TMED2: variants seen among roughly 807,000 people sequenced by gnomAD.
TMED2 encodes the protein transmembrane p24 trafficking protein 2.
A neutral mutation model predicts 17.5 loss-of-function variants in TMED2; 3 were observed. That is an observed-to-expected ratio of 0.17 (90% confidence interval 0.08 to 0.44). TMED2 has a LOEUF of 0.44. Among genes scored for constraint, TMED2 ranks in the 20% least tolerant of loss-of-function variants. The probability of loss-of-function intolerance (pLI) is 0.99; values close to 1 mark genes in which losing one functional copy is unlikely to be tolerated. For synonymous variants in TMED2, 95 were observed against 91.0 expected (o/e 1.04, Z -0.25); for missense variants, 149 against 254.8 (o/e 0.58, Z 2.83).
At position 123,586,761 on chromosome 12, in the gene TMED2, T is replaced by A. The variant is rs1953349213; in HGVS notation, c.195T>A (p.Asp65Glu). Reference protein sequence around the residue: ...LDIDVEITGPDNKGIYKGDRE... With the variant: ...LDIDVEITGPENKGIYKGDRE... ...CTTGCCTCCAGATTACAGGACCAGATAACAAAGGAATTTACAAAGGAGACA... is the reference window on the plus strand; with the variant it reads ...CTTGCCTCCAGATTACAGGACCAGAAAACAAAGGAATTTACAAAGGAGACA... The change falls in exon 2 of 4, where the codon GAT (aspartate) becomes GAA (glutamate). Residue 65 changes from aspartate (D) to glutamate (E), a missense_variant. Asp to Glu is a conservative substitution (Grantham distance 45). Coordinates refer to ENST00000262225, the MANE Select transcript of TMED2 (RefSeq NM_006815.4). 1 of 1,602,138 alleles carries A rather than the reference T, an allele frequency of 6.2e-7. No individual in the cohort carries two copies. Among genetic ancestry groups the A allele is most frequent in the South Asian group, 1.1e-5 (1 of 89,280 alleles).
intron 1 of TMED2, chr12:123,586,260 A>G (rs1886343665): frequency 6.6e-6 from 1 of 152,236 alleles, no homozygotes; most frequent in Non-Finnish European, 1.5e-5. Context: ...GTCAACTCTT[A>G]TTTTATAAAG....
chr12:123,590,600 C>G, intron 3 of TMED2, 151 bp downstream of exon 3: 1 of 522,536 alleles, frequency 1.9e-6, no homozygotes, highest in Admixed American at 3.5e-5. Context: ...ATTTTTTGAG[C>G]ATACACATGT....
intron 2 of TMED2, 22 bp from the exon 3 acceptor site, chr12:123,590,315 GTGTTT>G: frequency 7.0e-7 from 1 of 1,426,078 alleles, no homozygotes; most frequent in Non-Finnish European, 9.6e-7. Flanking sequence ...ATTGACAAAT[GTGTTT>G]TGTTTTCAAA....
At chr12:123,590,537 CTT>C (rs745686981) in intron 3 of TMED2, 88 bp downstream of exon 3, 59 of 1,136,374 alleles carry the variant, frequency 5.2e-5, no homozygotes, top group Middle Eastern at 2.1e-4. Flanking sequence ...CATTTGGAAA[CTT>C]TGCAAATTTT....
In TMED2 at chr12:123,584,752, C is replaced by T. The variant is rs762244577; in HGVS notation, c.116C>T (p.Ser39Leu). Residue 39 changes from serine (S) to leucine (L), a missense_variant, in exon 1 of 4, where the codon TCG becomes TTG. Coordinates refer to ENST00000262225, the MANE Select transcript of TMED2 (RefSeq NM_006815.4). Reference sequence around the variant, plus strand: ...GAGTGCTTCTTTGAGCGGGTCACCTCGGGCACCAAGATGGGCCTCATCTTC... The same window carrying T: ...GAGTGCTTCTTTGAGCGGGTCACCTTGGGCACCAAGATGGGCCTCATCTTC... ...AEECFFERVT[S>L]GTKMGLIFEV... 1.2e-6 allele frequency: 2 copies of T among 1,613,562 alleles called. No homozygotes were observed. The highest frequency in any genetic ancestry group is 2.2e-5 in the South Asian group (2 of 91,088).
At chr12:123,593,402 G>A (rs889618906) in intron 3 of TMED2, among the ~76,000 whole-genome samples, 2 of 152,090 alleles carry the variant, frequency 1.3e-5, no homozygotes, top group African/African-American at 2.4e-5. Flanking sequence ...ACAGGCGCAC[G>A]CCACCACCAA....
intron 3 of TMED2, among the ~76,000 whole-genome samples, chr12:123,594,137 A>T (rs1358082428): frequency 7.0e-6 from 1 of 142,938 alleles, no homozygotes; most frequent in Non-Finnish European, 1.5e-5. Context: ...ACTACATAGA[A>T]TTTTTTTTTT....
chr12:123,587,527 T>C (rs2135659705), intron 2 of TMED2: 1 of 1,072,678 alleles, frequency 9.3e-7, no homozygotes, highest in Non-Finnish European at 1.2e-6. Flanking sequence ...GCATATACTT[T>C]ATTTGCTCAT....
chr12:123,590,507 C>G (rs1953383683), intron 3 of TMED2, 58 bp downstream of exon 3: 2 of 1,384,998 alleles, frequency 1.4e-6, no homozygotes, highest in Non-Finnish European at 2.0e-6. Context: ...TTTTACTCAA[C>G]AGCTTGCTCG....
In TMED2 at chr12:123,596,687, C is replaced by T; in HGVS notation, c.564C>T (p.Ile188=). Residue 188 remains isoleucine, a synonymous_variant, in exon 4 of 4, where the codon ATC becomes ATT. Coordinates refer to ENST00000262225, the MANE Select transcript of TMED2 (RefSeq NM_006815.4). ...TAGTTGCCATGACATTGGGACAGAT[C>T]TACTACCTGAAGAGATTTTTTGAAG... is the stretch of plus-strand genomic sequence containing the variant. ...LVLVAMTLGQ[I]YYLKRFFEVR... is the part of the protein sequence containing the mutation. 1.9e-6 allele frequency: 3 copies of T among 1,610,948 alleles called. No individual in the cohort carries two copies. Among genetic ancestry groups the T allele is most frequent in the Non-Finnish European group, 2.5e-6 (3 of 1,178,836 alleles).
intron 3 of TMED2, among the ~76,000 whole-genome samples, chr12:123,591,723 A>T (rs1479357220): frequency 6.6e-6 from 1 of 151,922 alleles, no homozygotes; most frequent in East Asian, 1.9e-4. Context: ...CGGAGGTTGC[A>T]GTGAGCTGAT....
At chr12:123,594,294 C>CTGGGTAAT (rs1328195775) in intron 3 of TMED2, among the ~76,000 whole-genome samples, 1 of 151,920 alleles carries the variant, frequency 6.6e-6, no homozygotes, top group Admixed American at 6.6e-5. Flanking sequence ...GCCACCACGC[C>CTGGGTAAT]TGGGTAATTT....
rs1227953761 is a variant in TMED2 at position 123,598,069 on chromosome 12, A to C, written c.*1340A>C. On this transcript the variant is annotated 3_prime_UTR_variant, in exon 4 of 4. Coordinates refer to ENST00000262225, the MANE Select transcript of TMED2 (RefSeq NM_006815.4). The stretch of plus-strand genomic sequence containing the variant: ...GTGAAACACTTCAAAACTGATTTAA[A>C]AGATGTAAATTTAAAATTGGTTGTA... The C allele has an allele frequency of 6.6e-6, 1 of 152,528 alleles. No individual in the cohort carries two copies. Among genetic ancestry groups the C allele is most frequent in the Non-Finnish European group, 1.5e-5 (1 of 68,024 alleles). The allele number at this position is 152,528 out of a possible 1,614,324, so 9.4% of individuals were successfully genotyped here. A position where few individuals can be genotyped will look rare whatever the true frequency, so the allele number is the denominator to read the frequency against.
At chr12:123,591,258 A>C (rs1204324765) in intron 3 of TMED2, among the ~76,000 whole-genome samples, 1 of 152,196 alleles carries the variant, frequency 6.6e-6, no homozygotes. Flanking sequence ...TTGGGTCCTC[A>C]AGTTTGTAAG....
Position 123,584,671 on chromosome 12 carries a change from C to T in TMED2, c.35C>T (p.Ala12Val), listed in dbSNP as rs1397803146. 1 of 1,612,450 alleles carries T rather than the reference C, an allele frequency of 6.2e-7. No homozygotes were observed. The highest frequency in any genetic ancestry group is 8.5e-7 in the Non-Finnish European group (1 of 1,179,148). Residue 12 changes from alanine to valine, a missense_variant, in exon 1 of 4, where the codon GCC becomes GTC. Ala to Val is a moderately conservative substitution (Grantham distance 64). Transcript: ENST00000262225. ...CTTGCTGAACTGCTGGTGCTTCTGG[C>T]CGCTCTCCTGGCCACGGTCTCGGGC... ...VTLAELLVLLAALLATVSGYF... is the reference protein window; with the variant it reads ...VTLAELLVLLVALLATVSGYF...
At position 123,586,972 on chromosome 12, in the gene TMED2, T is replaced by C. The variant is rs747615828; in HGVS notation, c.373+33T>C. ...GAACATTCAGAAGATTTACATCACA[T>C]TCCAAGAGCTAATTTTAGTTCTATA... On this transcript the variant is annotated intron_variant, in intron 2 of 3. Transcript: ENST00000262225. 2.6e-6 allele frequency: 4 copies of C among 1,526,608 alleles called. No individual in the cohort carries two copies. The South Asian group carries it at 3.8e-5, about 15-fold the overall frequency. 94.6% of individuals were successfully genotyped at this position (1,526,608 alleles called of 1,614,324 possible). A position where few individuals can be genotyped will look rare whatever the true frequency, so the allele number is the denominator to read the frequency against.
At chr12:123,585,042 T>C (rs111965128) in intron 1 of TMED2, 2 of 543,504 alleles carry the variant, frequency 3.7e-6, no homozygotes, top group African/African-American at 1.9e-5. Context: ...GGGGGCTCCT[T>C]CGGCATGCTT....
rs1555273317 is a variant in TMED2 at position 123,584,567 on chromosome 12, C to CGGG, written c.-68_-67insGGG. ...GGCGGTGGCTGAGAAGGCAGCGGGG[C>CGGG]GGCGGCGGCGGCGGCGGCGGCGGCT... On this transcript the variant is annotated 5_prime_UTR_variant, in exon 1 of 4. Coordinates refer to ENST00000262225, the MANE Select transcript of TMED2 (RefSeq NM_006815.4). 13 of 7,002 alleles carry CGGG rather than the reference C, an allele frequency of 1.9e-3. No individual in the cohort carries two copies. Among genetic ancestry groups the CGGG allele is most frequent in the South Asian group, 4.9e-3 (7 of 1,428 alleles). 0.4% of individuals were successfully genotyped at this position (7,002 alleles called of 1,614,324 possible).
intron 1 of TMED2, chr12:123,586,522 G>A (rs774367504): frequency 2.6e-5 from 7 of 269,010 alleles, no homozygotes; most frequent in South Asian, 8.0e-5. Context: ...GGCTAATTTC[G>A]TGTTTTTAGT....
Sources: gnomAD v4.1 joint callset for allele counts (sites outside exome capture counted in the v4.1 genomes callset) on GRCh38, gnomAD v4.1.1 for gene constraint, MANE v1.5 for transcripts, NCBI Gene and HGNC (gene_info 2026-07-23, HGNC 2026-07-21) for gene names.